The following SLCO1A2 variants were observed in gnomAD, a reference collection of about 807,000 sequenced individuals.
The protein encoded by SLCO1A2 is OATP-1.
SLCO1A2 carries 67 observed loss-of-function variants against 69.0 expected under a neutral mutation model. That is an observed-to-expected ratio of 0.97 (90% confidence interval 0.80 to 1.19). The LOEUF is 1.19. Ranked by LOEUF, SLCO1A2 falls within the 50% of genes most tolerant of loss-of-function variation. The pLI, the probability that SLCO1A2 is intolerant of heterozygous loss-of-function variation, is 0.00. For missense variants in SLCO1A2, 787 were observed against 793.7 expected (o/e 0.99, Z 0.10); for synonymous variants, 260 against 265.9 (o/e 0.98, Z 0.22).
chr12:21,410,967 T>C lies in SLCO1A2; in HGVS notation c.-312+6915A>G, dbSNP rs144426957. On this transcript the variant is annotated intron_variant, in intron 1 of 4. Coordinates refer to the SLCO1A2 transcript ENST00000413682. ...TTTATTAACGAGTAAAGATTCTTTG[T>C]GTATTATTAATTGTAACCTGTTAGT... Among the ~76,000 whole-genome samples, 760 of 152,332 alleles carry C rather than the reference T, an allele frequency of 5.0e-3. 7 individuals are homozygous for C. The highest frequency in any genetic ancestry group is 0.018 in the African/African-American group (735 of 41,580).
intron 14 of SLCO1A2, among the ~76,000 whole-genome samples, chr12:21,271,653 A>C (rs10841783): frequency 1.1e-4 from 17 of 148,090 alleles, no homozygotes; most frequent in African/African-American, 3.2e-4. Context: ...CTTTATATAC[A>C]TATGTGTATA....
chr12:21,340,751 T>G (rs1953041388), intron 2 of SLCO1A2, among the ~76,000 whole-genome samples: 1 of 151,914 alleles, frequency 6.6e-6, no homozygotes. Flanking sequence ...TACTTGTCTG[T>G]CTCGGGTTTA....
At chr12:21,354,855 A>C (rs933457248) in intron 2 of SLCO1A2, 3 of 151,992 alleles carry the variant, frequency 2.0e-5, no homozygotes, top group Non-Finnish European at 4.4e-5. Flanking sequence ...TTTGGCTCCT[A>C]CTTCTCAGTA....
At chr12:21,365,994 T>C (rs1340171075) in intron 2 of SLCO1A2, among the ~76,000 whole-genome samples, 9 of 152,214 alleles carry the variant, frequency 5.9e-5, no homozygotes, top group Non-Finnish European at 1.2e-4. Context: ...AGTGGGGCAA[T>C]TCCTCAAGTA....
chr12:21,295,638 A>G lies in SLCO1A2; in HGVS notation c.1230T>C (p.Cys410=), dbSNP rs908681336. The change falls in exon 10 of 15, where the codon TGT becomes TGC. Residue 410 remains cysteine, a synonymous_variant. Transcript: ENST00000683939. ...TTATTCCAACAACTGAAGAATTTTC[A>G]CAAGTCATGAGAAAAGATAAAAAAT... ...LLYFLSFLMT[C]ENSSVVGINT... is the part of the protein sequence containing the mutation. The G allele has an allele frequency of 6.2e-7, 1 of 1,602,500 alleles. No individual in the cohort carries two copies. The highest frequency in any genetic ancestry group is 2.2e-5 in the East Asian group (1 of 44,694).
rs149038207 is a variant in SLCO1A2, at chr12:21,300,720, G to A, written c.689-151C>T. 190 of 595,108 alleles carry A rather than the reference G, an allele frequency of 3.2e-4. No homozygotes were observed. The African/African-American group carries it at 3.5e-3, about 11-fold the overall frequency. The allele number at this position is 595,108 out of a possible 1,614,324, so 36.9% of individuals were successfully genotyped here. A position where few individuals can be genotyped will look rare whatever the true frequency, so the allele number is the denominator to read the frequency against. Reference sequence around the variant, plus strand: ...TGATAAAATTTTTCTAATAATATGTGGTGTTGTAATATTGTCTAGTAATAA... The same window carrying A: ...TGATAAAATTTTTCTAATAATATGTAGTGTTGTAATATTGTCTAGTAATAA... On this transcript the variant is annotated intron_variant, in intron 7 of 14. Coordinates refer to ENST00000683939, the MANE Select transcript of SLCO1A2 (RefSeq NM_001386879.1).
intron 1 of SLCO1A2, among the ~76,000 whole-genome samples, chr12:21,401,442 G>T (rs564615882): frequency 2.6e-5 from 4 of 151,520 alleles, no homozygotes; most frequent in African/African-American, 7.3e-5. Context: ...TTATATTGAA[G>T]GTCATCTTGC....
At chr12:21,389,206 C>A (rs1304607576) in intron 1 of SLCO1A2, among the ~76,000 whole-genome samples, 1 of 152,100 alleles carries the variant, frequency 6.6e-6, no homozygotes, top group East Asian at 1.9e-4. Flanking sequence ...AACAAGATAT[C>A]AATTTACTTG....
intron 2 of SLCO1A2, among the ~76,000 whole-genome samples, chr12:21,365,792 G>GA (rs1412538395): frequency 1.3e-5 from 2 of 152,202 alleles, no homozygotes; most frequent in Non-Finnish European, 2.9e-5. Context: ...ACAGACACAT[G>GA]AAAAAATGCT....
At chr12:21,341,903 G>A (rs1953081407) in intron 2 of SLCO1A2, among the ~76,000 whole-genome samples, 4 of 152,030 alleles carry the variant, frequency 2.6e-5, no homozygotes, top group Admixed American at 1.3e-4. Context: ...TTTAAATCAT[G>A]TAAAGGGAAC....
rs367858396 is a variant in SLCO1A2 at position 21,314,546 on chromosome 12, T to C, written c.335+3A>G. The C allele has an allele frequency of 1.1e-5, 18 of 1,613,548 alleles. No individual in the cohort carries two copies. The highest frequency in any genetic ancestry group is 5.0e-5 in the Admixed American group (3 of 59,936). Reference sequence around the variant, plus strand: ...CCCAAAATTATCAGACTGGAGTACTTACTGGTTCATGAGGAAATGAGGTAG... The same window carrying C: ...CCCAAAATTATCAGACTGGAGTACTCACTGGTTCATGAGGAAATGAGGTAG... On this transcript the variant is annotated splice_donor_region_variant and intron_variant, in intron 4 of 14. Coordinates refer to ENST00000683939, the MANE Select transcript of SLCO1A2 (RefSeq NM_001386879.1).
chr12:21,345,716 C>G (rs1230381772), intron 2 of SLCO1A2, among the ~76,000 whole-genome samples: 1 of 151,992 alleles, frequency 6.6e-6, no homozygotes, highest in Non-Finnish European at 1.5e-5. Flanking sequence ...AAATTGATAA[C>G]AGAATTAAAC....
At chr12:21,347,816 A>T (rs1194051256) in intron 2 of SLCO1A2, among the ~76,000 whole-genome samples, 1 of 152,230 alleles carries the variant, frequency 6.6e-6, no homozygotes, top group Non-Finnish European at 1.5e-5. Context: ...CACCAATGGA[A>T]ATATGGACAA....
At chr12:21,292,740 C>T (rs112645720) in intron 11 of SLCO1A2, among the ~76,000 whole-genome samples, 7 of 151,986 alleles carry the variant, frequency 4.6e-5, no homozygotes, top group Admixed American at 3.9e-4. Context: ...GGACTACAGG[C>T]GCCTGCCACC....
intron 4 of SLCO1A2, 120 bp from the exon 5 acceptor site, chr12:21,307,108 G>A (rs1202968928): frequency 3.3e-6 from 2 of 607,144 alleles, no homozygotes; most frequent in Non-Finnish European, 5.5e-6. Context: ...AGTAAAAATG[G>A]CTTTTCATCC....
intron 1 of SLCO1A2, among the ~76,000 whole-genome samples, chr12:21,382,309 A>G (rs1940635388): frequency 6.6e-6 from 1 of 152,090 alleles, no homozygotes; most frequent in African/African-American, 2.4e-5. Context: ...GAGTGATATA[A>G]TGGACTTTAG....
In SLCO1A2 at chr12:21,297,036, G is replaced by A. The variant is rs375848674; in HGVS notation, c.1075+368C>T. Reference sequence around the variant, plus strand: ...GGAGGAACATAGAATCCTTGAACTGGAACCAAAAAGAGTAAAATTTGGTAG... The same window carrying A: ...GGAGGAACATAGAATCCTTGAACTGAAACCAAAAAGAGTAAAATTTGGTAG... On this transcript the variant is annotated intron_variant, in intron 9 of 14. Coordinates refer to ENST00000683939, the MANE Select transcript of SLCO1A2 (RefSeq NM_001386879.1). 1.5e-3 allele frequency among the ~76,000 whole-genome samples: 221 copies of A among 152,122 alleles called. 7 individuals are homozygous for A. In the South Asian group the frequency reaches 0.045, roughly 31 times the overall value.
intron 12 of SLCO1A2, among the ~76,000 whole-genome samples, chr12:21,285,281 A>C (rs1180646561): frequency 6.6e-6 from 1 of 152,224 alleles, no homozygotes; most frequent in Admixed American, 6.5e-5. Flanking sequence ...ATTCCTTGAC[A>C]CATACACTCT....
At chr12:21,382,169 C>A (rs1468945291) in intron 1 of SLCO1A2, among the ~76,000 whole-genome samples, 3 of 152,168 alleles carry the variant, frequency 2.0e-5, no homozygotes, top group African/African-American at 7.2e-5. Context: ...GAAATAATGT[C>A]TTTTGCAGCA....
Sources: allele counts gnomAD v4.1 joint callset (sites outside exome capture counted in the v4.1 genomes callset), GRCh38; gene constraint gnomAD v4.1.1; transcripts MANE v1.5; gene names NCBI Gene and HGNC (gene_info 2026-07-23, HGNC 2026-07-21).